The following SPEN variants were observed in gnomAD, a reference collection of about 807,000 sequenced individuals.
SPEN encodes the protein msx2-interacting protein.
SPEN carries 18 observed loss-of-function variants against 269.9 expected under a neutral mutation model. That is an observed-to-expected ratio of 0.07 (90% CI 0.05 to 0.10). The LOEUF (loss-of-function observed/expected upper bound fraction) is 0.10, where lower values mean the gene tolerates loss of function less well. SPEN is among the 10% of genes least tolerant of loss of function. SPEN has a pLI of 1.00. For missense variants in SPEN, 3,822 were observed against 4,631.2 expected, an observed-to-expected ratio of 0.83 and a Z score of 5.07; for synonymous variants, 1,726 against 1,765.7, an observed-to-expected ratio of 0.98 and a Z score of 0.56.
Position 15,872,927 on chromosome 1 carries a change from G to A in SPEN, c.195G>A (p.Ser65=), listed in dbSNP as rs188690808. 8.7e-5 allele frequency: 139 copies of A among 1,606,662 alleles called. 1 individual carries two copies. In the East Asian group the frequency reaches 2.3e-3, roughly 27 times the overall value. ...AAAGTGCACAGAAAGCTCACAACTC[G>A]GTCAACAAAATGGGTGACAGAGACC... The part of the protein sequence containing the change: ...DIKSAQKAHN[S]VNKMGDRDLR... Residue 65 remains serine, a synonymous_variant, in exon 2 of 15, where the codon TCG becomes TCA. Transcript: ENST00000375759.
intron 1 of SPEN, among the ~76,000 whole-genome samples, chr1:15,866,447 G>A (rs1456629883): frequency 2.0e-5 from 3 of 151,976 alleles, no homozygotes; most frequent in Admixed American, 6.6e-5. Flanking sequence ...TCTGCCTCCC[G>A]GGTTCACGCC....
intron 3 of SPEN, among the ~76,000 whole-genome samples, chr1:15,901,044 G>A (rs1439035824): frequency 6.6e-6 from 1 of 151,602 alleles, no homozygotes; most frequent in Non-Finnish European, 1.5e-5. Flanking sequence ...GTTATTTTTT[G>A]GAGTAAAAAA....
intron 3 of SPEN, among the ~76,000 whole-genome samples, chr1:15,901,774 CT>C (rs1234369474): frequency 6.6e-6 from 1 of 151,490 alleles, no homozygotes; most frequent in Non-Finnish European, 1.5e-5. Flanking sequence ...ACTTTCTAGG[CT>C]TGACTTTACA....
chr1:15,857,550 T>C (rs1282370628), intron 1 of SPEN, among the ~76,000 whole-genome samples: 1 of 151,880 alleles, frequency 6.6e-6, no homozygotes, highest in Non-Finnish European at 1.5e-5. Flanking sequence ...AGAGACAAGG[T>C]TTCACCATGT....
At chr1:15,936,411 T>C (rs767095686) in intron 11 of SPEN, 145 bp downstream of exon 11, 498 of 1,276,814 alleles carry the variant, frequency 3.9e-4, no homozygotes, top group Non-Finnish European at 4.8e-4. Flanking sequence ...GAGGCCCAGA[T>C]GGGAGGACTG....
At chr1:15,909,604 A>T in intron 4 of SPEN, 123 bp downstream of exon 4, 4 of 1,040,152 alleles carry the variant, frequency 3.8e-6, no homozygotes, top group Middle Eastern at 5.2e-4. Context: ...CGAAATATTA[A>T]CGTTTTAAAT....
chr1:15,879,921 C>T (rs996967443), intron 3 of SPEN, among the ~76,000 whole-genome samples: 2 of 152,142 alleles, frequency 1.3e-5, no homozygotes, highest in Admixed American at 1.3e-4. Context: ...CCGCCCGCCT[C>T]GACCTCCCAA....
rs1437300696 is a variant in SPEN at position 15,932,271 on chromosome 1, C to A, written c.6031C>A (p.Pro2011Thr). The change falls in exon 11 of 15, where the codon CCT (proline) becomes ACT (threonine). Residue 2011 changes from proline to threonine, a missense_variant. This residue lies in a region of SPEN where 727 missense variants were observed against 737.9 expected (regional missense o/e 0.99). Coordinates refer to ENST00000375759, the MANE Select transcript of SPEN (RefSeq NM_015001.3). This position sits in a 1 kb window ranked among gnomAD's most constrained non-coding sequence, Gnocchi z 4.2. ...TGAACCGAAGGTGGATGCTACACGT[C>A]CTGAGGCCACCACTGAGGTGGGCCC... is the stretch of plus-strand genomic sequence containing the variant. ...KNEPKVDATR[P>T]EATTEVGPQI... 6.2e-7 allele frequency: 1 copy of A among 1,609,418 alleles called. No individual in the cohort carries two copies. The highest frequency in any genetic ancestry group is 1.1e-5 in the South Asian group (1 of 90,374).
In SPEN at chr1:15,902,208, C is replaced by T. The variant is rs528457822; in HGVS notation, c.882-7113C>T. On this transcript the variant is annotated intron_variant, in intron 3 of 14. Coordinates refer to ENST00000375759, the MANE Select transcript of SPEN (RefSeq NM_015001.3). The stretch of plus-strand genomic sequence containing the variant: ...CCTCCCAAAGTGCTGGGATTACAGG[C>T]GTGAGCCACTGTGCCCGGCCTGAAA... 7.9e-5 allele frequency among the ~76,000 whole-genome samples: 12 copies of T among 152,262 alleles called. No individual in the cohort carries two copies. In the South Asian group the frequency reaches 2.5e-3, roughly 32 times the overall value.
At position 15,931,149 on chromosome 1, in the gene SPEN, G is replaced by C. The variant is rs746087066; in HGVS notation, c.4909G>C (p.Val1637Leu). Residue 1637 changes from valine (V) to leucine (L), a missense_variant, in exon 11 of 15, where the codon GTT becomes CTT. Around this residue, in one of 16 missense-constraint regions of SPEN, gnomAD observed 533 missense variants for 618.8 expected, o/e 0.86. Transcript: ENST00000375759. This position sits in a 1 kb window ranked among gnomAD's most constrained non-coding sequence, Gnocchi z 4.8. Reference protein sequence around the residue: ...KDSELKTPPSVGPPSVTVVTL... With the variant: ...KDSELKTPPSLGPPSVTVVTL... ...TTCAGAACTGAAAACTCCACCTTCC[G>C]TTGGGCCTCCAAGTGTCACAGTCGT... 1 of 1,614,232 alleles carries C rather than the reference G, an allele frequency of 6.2e-7. No homozygotes were observed. Among genetic ancestry groups the C allele is most frequent in the Non-Finnish European group, 8.5e-7 (1 of 1,180,048 alleles).
In SPEN at chr1:15,876,415, C is replaced by T. The variant is rs183399708; in HGVS notation, c.618C>T (p.Arg206=). The T allele has an allele frequency of 3.7e-4, 593 of 1,613,974 alleles. 1 individual carries two copies. The Admixed American group carries it at 4.6e-3, about 12-fold the overall frequency. The change falls in exon 3 of 15, where the codon CGC becomes CGT. Residue 206 remains arginine, a synonymous_variant. Coordinates refer to ENST00000375759, the MANE Select transcript of SPEN (RefSeq NM_015001.3). ...ACCCCCGATATGAACCTAGGGCTCGCGAGCAGTTTACACTGCCCAGTGTGG... is the reference window on the plus strand; with the variant it reads ...ACCCCCGATATGAACCTAGGGCTCGTGAGCAGTTTACACTGCCCAGTGTGG... ...AHDPRYEPRA[R]EQFTLPSVVH... is the part of the protein sequence containing the mutation.
In SPEN at chr1:15,864,607, G is replaced by GT. The variant is rs34116041; in HGVS notation, c.84-8188dup. ...TAGGTGTGTGAACTTAGGTTTGTGGGTTTTTTTTTTTTTTTTTTTTTGAGA... is the reference window on the plus strand; with the variant it reads ...TAGGTGTGTGAACTTAGGTTTGTGGGTTTTTTTTTTTTTTTTTTTTTTGAGA... On this transcript the variant is annotated intron_variant, in intron 1 of 14. Transcript: ENST00000375759. Among the ~76,000 whole-genome samples, 320 of 82,582 alleles carry GT rather than the reference G, an allele frequency of 3.9e-3. 6 individuals are homozygous for GT. Among genetic ancestry groups the GT allele is most frequent in the South Asian group, 0.02 (53 of 2,690 alleles). 54.2% of individuals were successfully genotyped at this position (82,582 alleles called of 152,430 possible). A position where few individuals can be genotyped will look rare whatever the true frequency, so the allele number is the denominator to read the frequency against.
chr1:15,866,789 A>G (rs567813821), intron 1 of SPEN, among the ~76,000 whole-genome samples: 1 of 152,310 alleles, frequency 6.6e-6, no homozygotes, highest in Non-Finnish European at 1.5e-5. Context: ...GCACCTCATC[A>G]TATATAACGT....
intron 1 of SPEN, among the ~76,000 whole-genome samples, chr1:15,857,154 T>TC (rs1365103642): frequency 1.3e-5 from 2 of 151,312 alleles, no homozygotes; most frequent in Non-Finnish European, 2.9e-5. Flanking sequence ...CCCTTCAACC[T>TC]CCCGGGCTCA....
At chr1:15,923,423 G>A (rs1228825814) in intron 10 of SPEN, among the ~76,000 whole-genome samples, 1 of 152,052 alleles carries the variant, frequency 6.6e-6, no homozygotes, top group Non-Finnish European at 1.5e-5. Context: ...TTCCCACTAG[G>A]TCTCCACCCC....
chr1:15,880,517 G>A lies in SPEN; in HGVS notation c.881+3839G>A, dbSNP rs372120959. 6.2e-5 allele frequency among the ~76,000 whole-genome samples: 9 copies of A among 145,842 alleles called. No homozygotes were observed. The East Asian group carries it at 1.8e-3, about 30-fold the overall frequency. On this transcript the variant is annotated intron_variant, in intron 3 of 14. Coordinates refer to ENST00000375759, the MANE Select transcript of SPEN (RefSeq NM_015001.3). ...CTCGCCCAGGCTGGAGTGCGGTGGCGCAATCTTGGCTCACTGCAACCTCTG... is the reference window on the plus strand; with the variant it reads ...CTCGCCCAGGCTGGAGTGCGGTGGCACAATCTTGGCTCACTGCAACCTCTG...
At position 15,937,806 on chromosome 1, in the gene SPEN, GAGC is replaced by G; in HGVS notation, c.10510-3_10510-1del. 2 of 1,613,910 alleles carry G rather than the reference GAGC, an allele frequency of 1.2e-6. No individual in the cohort carries two copies. The highest frequency in any genetic ancestry group is 1.7e-6 in the Non-Finnish European group (2 of 1,179,938). ...GCTCACTTCCTGTTTGTTTCCCTGT[GAGC>G]AGAAGTACCCCATCGTGTGGCAGGG... On this transcript the variant is annotated splice_polypyrimidine_tract_variant and splice_region_variant and intron_variant, in intron 12 of 14. Coordinates refer to ENST00000375759, the MANE Select transcript of SPEN (RefSeq NM_015001.3). This position sits in a 1 kb window ranked among gnomAD's most constrained non-coding sequence, Gnocchi z 5.7.
At chr1:15,938,913 C>A in intron 14 of SPEN, 37 bp downstream of exon 14, 1 of 1,602,336 alleles carries the variant, frequency 6.2e-7, no homozygotes, top group Non-Finnish European at 8.5e-7. Flanking sequence ...CATGTACACC[C>A]ACAGGTGGGG....
At chr1:15,907,364 C>A (rs937415736) in intron 3 of SPEN, among the ~76,000 whole-genome samples, 1 of 151,970 alleles carries the variant, frequency 6.6e-6, no homozygotes, top group African/African-American at 2.4e-5. Flanking sequence ...TGCCTGTAAT[C>A]CCAGCTACTC....
Sources: gnomAD v4.1 joint callset for allele counts (sites outside exome capture counted in the v4.1 genomes callset) on GRCh38, gnomAD v4.1.1 for gene constraint, gnomAD v4.1.1 regional missense constraint, Gnocchi (gnomAD v3.1) non-coding constraint, MANE v1.5 for transcripts, NCBI Gene and HGNC (gene_info 2026-07-23, HGNC 2026-07-21) for gene names.